SLC14A2: variants seen among roughly 807,000 people sequenced by gnomAD.
SLC14A2 encodes the protein solute carrier family 14 member 2, also known as urea transporter 2.
SLC14A2 carries 91 observed loss-of-function variants against 104.6 expected under a neutral mutation model. The observed-to-expected ratio is 0.87, with a 90% CI of 0.73 to 1.04. The LOEUF is 1.04. Among genes scored for constraint, SLC14A2 ranks in the 50% least tolerant of loss-of-function variants. The pLI is 0.00. For missense variants in SLC14A2, 1,189 were observed against 1,156.0 expected, an observed-to-expected ratio of 1.03 and a Z score of -0.41; for synonymous variants, 476 against 466.4, an observed-to-expected ratio of 1.02 and a Z score of -0.27.
chr18:45,515,307 A>G (rs1231200547), intron 2 of SLC14A2: 1 of 152,254 alleles, frequency 6.6e-6, no homozygotes, highest in Admixed American at 6.5e-5. Flanking sequence ...TTTAAGGAGC[A>G]ATGATTATAG....
chr18:45,541,379 G>A (rs1437003545), intron 2 of SLC14A2, among the ~76,000 whole-genome samples: 1 of 152,216 alleles, frequency 6.6e-6, no homozygotes, highest in African/African-American at 2.4e-5. Context: ...CATCTGGCCA[G>A]CCTAGAGACA....
intron 2 of SLC14A2, among the ~76,000 whole-genome samples, chr18:45,577,358 T>C (rs146202857): frequency 3.3e-5 from 5 of 152,258 alleles, no homozygotes; most frequent in African/African-American, 1.2e-4. Context: ...TTCAAAGTCA[T>C]ACAGTATCAC....
intron 1 of SLC14A2, among the ~76,000 whole-genome samples, chr18:45,282,507 G>A (rs1324551412): frequency 6.6e-6 from 1 of 152,018 alleles, no homozygotes; most frequent in Non-Finnish European, 1.5e-5. Flanking sequence ...TCTTATAAAA[G>A]CCAGCCCAAA....
chr18:45,493,964 G>A (rs1483806732), intron 2 of SLC14A2, among the ~76,000 whole-genome samples: 1 of 152,214 alleles, frequency 6.6e-6, no homozygotes, highest in Non-Finnish European at 1.5e-5. Flanking sequence ...TCACCTAAAT[G>A]GAAGACTACA....
intron 1 of SLC14A2, among the ~76,000 whole-genome samples, chr18:45,313,397 T>C (rs185836486): frequency 3.3e-4 from 51 of 152,324 alleles, no homozygotes; most frequent in African/African-American, 9.9e-4. Flanking sequence ...CTCAGAGTCA[T>C]AGAGCAACTA....
chr18:45,624,951 A>G, intron 2 of SLC14A2, 137 bp downstream of exon 2: 3 of 824,426 alleles, frequency 3.6e-6, no homozygotes, highest in Non-Finnish European at 5.6e-6. Flanking sequence ...GGTGACACCC[A>G]TGGTGGGTCC....
intron 1 of SLC14A2, among the ~76,000 whole-genome samples, chr18:45,226,498 G>A (rs1038666237): frequency 1.3e-5 from 2 of 152,054 alleles, no homozygotes; most frequent in African/African-American, 2.4e-5. Flanking sequence ...CATAAAAAAG[G>A]ATGAGTTCAT....
chr18:45,255,995 T>C (rs969203074), intron 1 of SLC14A2, among the ~76,000 whole-genome samples: 1 of 152,166 alleles, frequency 6.6e-6, no homozygotes, highest in African/African-American at 2.4e-5. Flanking sequence ...CTTTCATAAT[T>C]GGGGCAGTCA....
intron 1 of SLC14A2, among the ~76,000 whole-genome samples, chr18:45,420,685 T>C (rs958632498): frequency 2.0e-5 from 3 of 152,212 alleles, no homozygotes; most frequent in African/African-American, 7.2e-5. Context: ...ATTTTAAACT[T>C]ATAAATATGC....
chr18:45,632,115 T>C (rs2045353328), intron 4 of SLC14A2, among the ~76,000 whole-genome samples: 1 of 136,556 alleles, frequency 7.3e-6, no homozygotes, highest in Non-Finnish European at 1.6e-5. Flanking sequence ...TAATTGTCGA[T>C]CAGCAAGACA....
chr18:45,316,285 T>G (rs2085128290), intron 1 of SLC14A2, among the ~76,000 whole-genome samples: 1 of 152,078 alleles, frequency 6.6e-6, no homozygotes. Flanking sequence ...AAGGTCTCAG[T>G]CCGAAAAGAC....
chr18:45,582,891 CTCATGGAGT>C (rs2044515690), intron 2 of SLC14A2, among the ~76,000 whole-genome samples: 1 of 152,202 alleles, frequency 6.6e-6, no homozygotes, highest in African/African-American at 2.4e-5. Flanking sequence ...CCAACCACCA[CTCATGGAGT>C]CTCATCTTCC....
intron 1 of SLC14A2, among the ~76,000 whole-genome samples, chr18:45,333,685 G>C (rs1258216052): frequency 6.6e-6 from 1 of 152,164 alleles, no homozygotes; most frequent in Non-Finnish European, 1.5e-5. Context: ...GTCTAAAGGA[G>C]CTTATGCCAC....
intron 1 of SLC14A2, among the ~76,000 whole-genome samples, chr18:45,341,929 T>G (rs1020362652): frequency 1.3e-5 from 2 of 152,166 alleles, no homozygotes; most frequent in Admixed American, 1.3e-4. Context: ...CTGTGATGTG[T>G]CTTACAAAGA....
chr18:45,641,333 C>T lies in SLC14A2; in HGVS notation c.1116C>T (p.Ala372=), dbSNP rs1392211239. The change falls in exon 8 of 20, where the codon GCC becomes GCT. Residue 372 remains alanine, a synonymous_variant. Coordinates refer to ENST00000255226, the MANE Select transcript of SLC14A2 (RefSeq NM_007163.4). ...TCACCTGGCAGACTCACCTGCTGGC[C>T]CTCATCTGTGGTAGGTGTTCAGAAA... ...YALTWQTHLL[A]LICALFCAYM... 1.9e-6 allele frequency: 3 copies of T among 1,614,186 alleles called. No homozygotes were observed. The highest frequency in any genetic ancestry group is 2.5e-6 in the Non-Finnish European group (3 of 1,180,020).
chr18:45,301,954 G>A (rs924763264), intron 1 of SLC14A2, among the ~76,000 whole-genome samples: 2 of 152,084 alleles, frequency 1.3e-5, no homozygotes, highest in African/African-American at 4.8e-5. Flanking sequence ...TTCCACCCTA[G>A]AGTCACCTGT....
rs59698333 is a variant in SLC14A2 at position 45,396,435 on chromosome 18, C to G, written c.-124-86798C>G. Among the ~76,000 whole-genome samples the G allele has an allele frequency of 9.4e-3, 1,433 of 152,238 alleles. 26 individuals carry two copies. The highest frequency in any genetic ancestry group is 0.033 in the African/African-American group (1,365 of 41,554). ...ATCATTTACTCAGATACATATTCAC[C>G]CAACTATACTATCCACATTGCTCCC... On this transcript the variant is annotated intron_variant, in intron 1 of 20. Coordinates refer to the SLC14A2 transcript ENST00000586448.
At chr18:45,477,772 TG>T (rs1266066934) in intron 1 of SLC14A2, among the ~76,000 whole-genome samples, 3 of 152,180 alleles carry the variant, frequency 2.0e-5, no homozygotes, top group African/African-American at 7.2e-5. Context: ...CTGGTGGCGT[TG>T]TTTATACTGT....
At chr18:45,562,877 C>G (rs964038784) in intron 2 of SLC14A2, among the ~76,000 whole-genome samples, 1 of 152,212 alleles carries the variant, frequency 6.6e-6, no homozygotes, top group Non-Finnish European at 1.5e-5. Flanking sequence ...CTGCTCTGCT[C>G]TGGTCCCTCT....
Sources: gnomAD v4.1 joint callset for allele counts (sites outside exome capture counted in the v4.1 genomes callset) on GRCh38, gnomAD v4.1.1 for gene constraint, MANE v1.5 for transcripts, NCBI Gene and HGNC (gene_info 2026-07-23, HGNC 2026-07-21) for gene names.